Variants in ENGASE observed in about 807,000 individuals in gnomAD.
The protein encoded by ENGASE is endo-beta-N-acetylglucosaminidase, also known as cytosolic endo-beta-N-acetylglucosaminidase.
Under a neutral mutation model 78.5 loss-of-function variants are expected in ENGASE, and 69 were observed. The observed-to-expected ratio is 0.88, with a 90% confidence interval of 0.72 to 1.07. The LOEUF (loss-of-function observed/expected upper bound fraction) is 1.07, where lower values mean the gene tolerates loss of function less well. Ranked by LOEUF, ENGASE falls within the 50% of genes least tolerant of loss-of-function variation. The pLI is 0.00. For missense variants in ENGASE, 943 were observed against 988.4 expected, an observed-to-expected ratio of 0.95 and a Z score of 0.62; for synonymous variants, 408 against 408.9, an observed-to-expected ratio of 1.00 and a Z score of 0.03.
chr17:79,077,561 C>T, intron 2 of ENGASE, 64 bp downstream of exon 2: 1 of 1,548,326 alleles, frequency 6.5e-7, no homozygotes, highest in Non-Finnish European at 8.8e-7. Context: ...GGCAGGTCAG[C>T]CCCTGCCCCC....
In ENGASE at chr17:79,085,434, G is replaced by T. The variant is rs1227893905; in HGVS notation, c.1700+92G>T. On this transcript the variant is annotated intron_variant, in intron 12 of 13. Transcript: ENST00000579016. ...GGAGGGATGGAGGGGCCCTGGGCTGGCCCCCAGGTTTTGGGCAGCTCTGAG... is the reference window on the plus strand; with the variant it reads ...GGAGGGATGGAGGGGCCCTGGGCTGTCCCCCAGGTTTTGGGCAGCTCTGAG... 3.0e-6 allele frequency: 4 copies of T among 1,346,278 alleles called. No individual in the cohort carries two copies. In the Admixed American group the frequency reaches 9.8e-5, roughly 33 times the overall value. 83.4% of individuals were successfully genotyped at this position (1,346,278 alleles called of 1,614,324 possible). A position where few individuals can be genotyped will look rare whatever the true frequency, so the allele number is the denominator to read the frequency against.
At chr17:79,075,840 G>T in intron 1 of ENGASE, 3 of 985,390 alleles carry the variant, frequency 3.0e-6, no homozygotes, top group Non-Finnish European at 3.6e-6. Context: ...TGGACAGGAG[G>T]AATGTGGAGA....
chr17:79,087,512 GACCC>G lies in ENGASE; in HGVS notation c.*1164_*1167del. The G allele has an allele frequency of 5.9e-6, 1 of 169,816 alleles. No individual in the cohort carries two copies. Among genetic ancestry groups the G allele is most frequent in the Non-Finnish European group, 1.3e-5 (1 of 77,658 alleles). 10.5% of individuals were successfully genotyped at this position (169,816 alleles called of 1,614,324 possible). A position where few individuals can be genotyped will look rare whatever the true frequency, so the allele number is the denominator to read the frequency against. ...GGGAGGCTTCCTGGTGTGGTGTCTG[GACCC>G]CACGGCCTTGGGTCATCCTGTGGCT... On this transcript the variant is annotated 3_prime_UTR_variant, in exon 14 of 14. Transcript: ENST00000579016.
intron 6 of ENGASE, 65 bp from the exon 7 acceptor site, chr17:79,081,833 G>C: frequency 6.5e-7 from 1 of 1,546,514 alleles, no homozygotes; most frequent in South Asian, 1.3e-5. Context: ...GAGACTGCAG[G>C]GTTGGTGGGG....
chr17:79,079,629 G>T lies in ENGASE; in HGVS notation c.557G>T (p.Cys186Phe), dbSNP rs11547583. ...WTNTAHRHGV[C>F]VLGTFITEWN... ...AACACTGCCCACAGGCATGGGGTCT[G>T]CGTGCTGGGTAAGAGCCAAGGACTC... is the stretch of plus-strand genomic sequence containing the variant. The change falls in exon 4 of 14, where the codon TGC becomes TTC. Residue 186 changes from cysteine to phenylalanine, a missense_variant. Cys to Phe is a radical substitution (Grantham distance 205, BLOSUM62 -2). Transcript: ENST00000579016. The T allele has an allele frequency of 6.2e-7, 1 of 1,612,952 alleles. No individual in the cohort carries two copies. The highest frequency in any genetic ancestry group is 8.5e-7 in the Non-Finnish European group (1 of 1,179,786).
chr17:79,086,199 G>A lies in ENGASE; in HGVS notation c.2082G>A (p.Gln694=), dbSNP rs1233111600. 6.2e-7 allele frequency: 1 copy of A among 1,613,638 alleles called. No homozygotes were observed. The highest frequency in any genetic ancestry group is 1.1e-5 in the South Asian group (1 of 91,088). ...PMFLGLAFAT[Q]YRIVDLLVEA... ...TCCTGGGGTTGGCTTTTGCCACCCA[G>A]TACCGGATAGTGGACCTGCTGGTGG... The change falls in exon 14 of 14, where the codon CAG becomes CAA. Residue 694 remains glutamine (Q), a synonymous_variant. Coordinates refer to ENST00000579016, the MANE Select transcript of ENGASE (RefSeq NM_001042573.3).
rs750996647 is a variant in ENGASE, at chr17:79,085,637, T to C, written c.1718T>C (p.Leu573Pro). ...CCCCGTAGCTGCTACGAGGTGAGCCTGCGTGGGTGCCTGCTGCTAGACCTC... is the reference window on the plus strand; with the variant it reads ...CCCCGTAGCTGCTACGAGGTGAGCCCGCGTGGGTGCCTGCTGCTAGACCTC... Reference protein sequence around the residue: ...GWVQHCYEVSLRGCLLLDLLV... With the variant: ...GWVQHCYEVSPRGCLLLDLLV... The change falls in exon 13 of 14, where the codon CTG becomes CCG. Residue 573 changes from leucine (L) to proline (P), a missense_variant. Transcript: ENST00000579016. The C allele has an allele frequency of 3.1e-6, 5 of 1,613,734 alleles. 1 individual carries two copies. In the Admixed American group the frequency reaches 5.0e-5, roughly 16 times the overall value.
chr17:79,077,678 A>G lies in ENGASE; in HGVS notation c.230A>G (p.Lys77Arg), dbSNP rs2073002204. 1 of 1,614,226 alleles carries G rather than the reference A, an allele frequency of 6.2e-7. No individual in the cohort carries two copies. The highest frequency in any genetic ancestry group is 8.5e-7 in the Non-Finnish European group (1 of 1,180,042). Residue 77 changes from lysine to arginine, a missense_variant, in exon 3 of 14, where the codon AAG (lysine) becomes AGG (arginine). Coordinates refer to ENST00000579016, the MANE Select transcript of ENGASE (RefSeq NM_001042573.3). ...CTCGGACCAGTTAGATATTATGACA[A>G]GGACACCACCAAACCAATCAGCTTT... ...PDPLPVRYYD[K>R]DTTKPISFYL...
intron 1 of ENGASE, among the ~76,000 whole-genome samples, chr17:79,076,977 A>T (rs1475483989): frequency 2.6e-5 from 4 of 152,080 alleles, no homozygotes; most frequent in African/African-American, 9.7e-5. Flanking sequence ...GGTTCAAGTG[A>T]TTCTCCCTGC....
chr17:79,084,160 C>T (rs1568093102), intron 10 of ENGASE: 8 of 571,118 alleles, frequency 1.4e-5, no homozygotes, highest in Admixed American at 3.6e-5. Context: ...GTTAACTCTG[C>T]GTACGTTGCT....
Position 79,083,242 on chromosome 17 carries a change from G to A in ENGASE, c.1142+119G>A. 1.2e-6 allele frequency: 1 copy of A among 848,522 alleles called. No individual in the cohort carries two copies. The highest frequency in any genetic ancestry group is 1.8e-6 in the Non-Finnish European group (1 of 541,886). The allele number at this position is 848,522 out of a possible 1,614,324, so 52.6% of individuals were successfully genotyped here. On this transcript the variant is annotated intron_variant, in intron 8 of 13. Transcript: ENST00000579016. This position sits in a 1 kb window ranked among gnomAD's most constrained non-coding sequence, Gnocchi z 4.9. The stretch of plus-strand genomic sequence containing the variant: ...CCTTCCTATGGGGGGGTGGTTAAGG[G>A]AGGATGACAGGGGAGGAAGCCAGCA...
chr17:79,082,893 A>G lies in ENGASE; in HGVS notation c.1039-127A>G, dbSNP rs2073185862. The G allele has an allele frequency of 3.8e-6, 6 of 1,575,004 alleles. No individual in the cohort carries two copies. The South Asian group carries it at 5.6e-5, about 15-fold the overall frequency. ...CAGCCTCCAGGTGCATCTAGGAGGG[A>G]GGGGTTGGACAGCTTCCCCCTCCCG... On this transcript the variant is annotated intron_variant, in intron 7 of 13. Coordinates refer to ENST00000579016, the MANE Select transcript of ENGASE (RefSeq NM_001042573.3).
chr17:79,079,623 G>A lies in ENGASE; in HGVS notation c.551G>A (p.Gly184Glu). The A allele has an allele frequency of 6.2e-7, 1 of 1,613,342 alleles. No homozygotes were observed. The highest frequency in any genetic ancestry group is 8.5e-7 in the Non-Finnish European group (1 of 1,179,866). ...TGGACCAACACTGCCCACAGGCATG[G>A]GGTCTGCGTGCTGGGTAAGAGCCAA... ...VGWTNTAHRHGVCVLGTFITE... is the reference protein window; with the variant it reads ...VGWTNTAHRHEVCVLGTFITE... Residue 184 changes from glycine (G) to glutamate (E), a missense_variant, in exon 4 of 14, where the codon GGG becomes GAG. By Grantham distance (98) the Gly-to-Glu change is moderately conservative (BLOSUM62 -2). Transcript: ENST00000579016.
rs1184730430 is a variant in ENGASE at position 79,083,998 on chromosome 17, C to T, written c.1442+47C>T. ...GTGGGCCCACCAGCTTCTCCCATCACACGTGGTGGCCATGGAACTGGACAG... is the reference window on the plus strand; with the variant it reads ...GTGGGCCCACCAGCTTCTCCCATCATACGTGGTGGCCATGGAACTGGACAG... On this transcript the variant is annotated intron_variant, in intron 10 of 13. Coordinates refer to ENST00000579016, the MANE Select transcript of ENGASE (RefSeq NM_001042573.3). This position sits in a 1 kb window ranked among gnomAD's most constrained non-coding sequence, Gnocchi z 4.9. 1 of 1,540,510 alleles carries T rather than the reference C, an allele frequency of 6.5e-7. No homozygotes were observed. Among genetic ancestry groups the T allele is most frequent in the Admixed American group, 1.8e-5 (1 of 54,964 alleles).
chr17:79,080,353 A>G lies in ENGASE; in HGVS notation c.712A>G (p.Asn238Asp). 1 of 1,613,270 alleles carries G rather than the reference A, an allele frequency of 6.2e-7. No individual in the cohort carries two copies. The highest frequency in any genetic ancestry group is 8.5e-7 in the Non-Finnish European group (1 of 1,179,938). The change falls in exon 5 of 14, where the codon AAC (asparagine) becomes GAC (aspartate). Residue 238 changes from asparagine to aspartate, a missense_variant. By Grantham distance (23) the Asn-to-Asp change is conservative. Coordinates refer to ENST00000579016, the MANE Select transcript of ENGASE (RefSeq NM_001042573.3). ...RFDGWLINIE[N>D]SLSLAAVGNM... is the part of the protein sequence containing the mutation. The stretch of plus-strand genomic sequence containing the variant: ...TGATGGCTGGCTGATCAACATCGAG[A>G]ACTCGCTGAGTGTGAGTGCCCAGCC...
chr17:79,083,647 A>G lies in ENGASE; in HGVS notation c.1251+57A>G. The G allele has an allele frequency of 1.3e-6, 2 of 1,582,616 alleles. No individual in the cohort carries two copies. Among genetic ancestry groups the G allele is most frequent in the Non-Finnish European group, 1.7e-6 (2 of 1,153,522 alleles). On this transcript the variant is annotated intron_variant, in intron 9 of 13. Coordinates refer to ENST00000579016, the MANE Select transcript of ENGASE (RefSeq NM_001042573.3). The surrounding 1 kb of genome is among the most constrained non-coding windows in gnomAD (Gnocchi z 4.9). ...TCTGGCCTCAGCTGGGACAGGTGGG[A>G]GGAGCCTGGGACTTGCCAGCAGGCA...
intron 7 of ENGASE, chr17:79,082,802 C>T (rs977097336): frequency 6.7e-7 from 1 of 1,490,714 alleles, no homozygotes; most frequent in Non-Finnish European, 8.9e-7. Context: ...GCCCTTGCAG[C>T]AGCGCTGACC....
At position 79,083,124 on chromosome 17, in the gene ENGASE, G is replaced by A. The variant is rs562247127; in HGVS notation, c.1142+1G>A. On this transcript the variant is annotated splice_donor_variant, in intron 8 of 13. Coordinates refer to ENST00000579016, the MANE Select transcript of ENGASE (RefSeq NM_001042573.3). LOFTEE classifies it high-confidence loss of function. This position sits in a 1 kb window ranked among gnomAD's most constrained non-coding sequence, Gnocchi z 4.9. ...AGGATTTCTTCCAGAACCAGGACAAGTGAGTCCTGCTGTCCTGGGTGCTTA... is the reference window on the plus strand; with the variant it reads ...AGGATTTCTTCCAGAACCAGGACAAATGAGTCCTGCTGTCCTGGGTGCTTA... 1.1e-5 allele frequency: 17 copies of A among 1,606,958 alleles called. No homozygotes were observed. The highest frequency in any genetic ancestry group is 2.7e-5 in the African/African-American group (2 of 74,898).
chr17:79,082,136 C>T, intron 7 of ENGASE, 73 bp downstream of exon 7: 1 of 1,612,848 alleles, frequency 6.2e-7, no homozygotes. Flanking sequence ...CATGGACCTT[C>T]CATTCCCGTC....
Sources: gnomAD v4.1 joint callset for allele counts (sites outside exome capture counted in the v4.1 genomes callset) on GRCh38, gnomAD v4.1.1 for gene constraint, Gnocchi (gnomAD v3.1) non-coding constraint, MANE v1.5 for transcripts, NCBI Gene and HGNC (gene_info 2026-07-23, HGNC 2026-07-21) for gene names.